Variants in PLEKHA2 observed in about 807,000 individuals in gnomAD.
The protein encoded by PLEKHA2 is pleckstrin homology domain-containing family A member 2.
A neutral mutation model predicts 53.2 loss-of-function variants in PLEKHA2; 28 were observed. The ratio of observed to expected loss-of-function variants is 0.53; its 90% CI spans 0.39 to 0.72. PLEKHA2 has a LOEUF of 0.72. Ranked by LOEUF, PLEKHA2 falls within the 30% of genes least tolerant of loss-of-function variation. The pLI, the probability that PLEKHA2 is intolerant of heterozygous loss-of-function variation, is 0.00. For missense variants in PLEKHA2, 426 were observed against 537.9 expected (o/e 0.79, Z 2.06); for synonymous variants, 193 against 196.4 (o/e 0.98, Z 0.14).
At chr8:38,945,814 G>T (rs73615982) in intron 4 of PLEKHA2, among the ~76,000 whole-genome samples, 1,562 of 152,338 alleles carry the variant, frequency 0.01, 25 homozygotes, top group African/African-American at 0.036. Context: ...GTTCACAGTT[G>T]TGTCTTGTTG....
chr8:38,906,801 T>A (rs987597924), intron 1 of PLEKHA2, among the ~76,000 whole-genome samples: 1 of 152,206 alleles, frequency 6.6e-6, no homozygotes, highest in Non-Finnish European at 1.5e-5. Flanking sequence ...GTTTGTACAT[T>A]GCGAAGGCTC....
At chr8:38,953,206 C>T in intron 8 of PLEKHA2, 91 bp from the exon 9 acceptor site, 1 of 1,013,202 alleles carries the variant, frequency 9.9e-7, no homozygotes, top group Admixed American at 2.0e-5. Flanking sequence ...TTTAGCCAAC[C>T]ATCTCTGAGA....
rs80176332 is a variant in PLEKHA2 at position 38,932,675 on chromosome 8, G to A, written c.142-3319G>A. Among the ~76,000 whole-genome samples, 24 of 152,306 alleles carry A rather than the reference G, an allele frequency of 1.6e-4. No individual in the cohort carries two copies. In the East Asian group the frequency reaches 3.3e-3, roughly 21 times the overall value. ...GTCACCCTGGCAGTCAGCTGTCACCGTTCATCTTCTAGGTCCAGTCACTGG... is the reference window on the plus strand; with the variant it reads ...GTCACCCTGGCAGTCAGCTGTCACCATTCATCTTCTAGGTCCAGTCACTGG... On this transcript the variant is annotated intron_variant, in intron 2 of 11. Transcript: ENST00000617275.
intron 1 of PLEKHA2, among the ~76,000 whole-genome samples, chr8:38,917,620 G>A (rs1447095104): frequency 8.5e-5 from 13 of 152,192 alleles, no homozygotes; most frequent in Non-Finnish European, 4.4e-5. Flanking sequence ...GAATTTGAAT[G>A]CAGGCCCCTG....
rs1262917380 is a variant in PLEKHA2, at chr8:38,943,846, T to C, written c.247+9T>C. The C allele has an allele frequency of 6.3e-7, 1 of 1,575,910 alleles. No homozygotes were observed. Among genetic ancestry groups the C allele is most frequent in the Non-Finnish European group, 8.6e-7 (1 of 1,160,514 alleles). On this transcript the variant is annotated intron_variant, in intron 4 of 11. Transcript: ENST00000617275. ...AACTCCATTTTGCTTTGGTAAGTAC[T>C]GAGCCAGGGGAGGGACTCATTTAAT...
intron 2 of PLEKHA2, among the ~76,000 whole-genome samples, chr8:38,920,307 C>A (rs1159072601): frequency 1.3e-5 from 2 of 152,082 alleles, no homozygotes; most frequent in African/African-American, 4.8e-5. Flanking sequence ...CCCGCCACCA[C>A]GCCCAGCTAA....
intron 9 of PLEKHA2, among the ~76,000 whole-genome samples, chr8:38,956,827 C>T (rs923932430): frequency 6.6e-6 from 1 of 152,186 alleles, no homozygotes; most frequent in African/African-American, 2.4e-5. Flanking sequence ...CATTTAAGCT[C>T]TGACCCTGAG....
At chr8:38,950,590 G>C (rs1834814960) in intron 5 of PLEKHA2, 1 of 351,234 alleles carries the variant, frequency 2.8e-6, no homozygotes, top group Non-Finnish European at 5.1e-6. Context: ...TTTATCTTTG[G>C]TTTCTAGCCA....
chr8:38,933,716 C>T (rs1040133616), intron 2 of PLEKHA2, among the ~76,000 whole-genome samples: 1 of 139,908 alleles, frequency 7.1e-6, no homozygotes, highest in South Asian at 2.3e-4. Flanking sequence ...AGCTGGGGCT[C>T]CTATGTGGAC....
At chr8:38,946,048 A>G in intron 4 of PLEKHA2, 76 bp from the exon 5 acceptor site, 3 of 1,189,130 alleles carry the variant, frequency 2.5e-6, no homozygotes, top group Non-Finnish European at 2.4e-6. Context: ...CAAACACCTT[A>G]GCTTTGTGGA....
chr8:38,927,529 A>G (rs1335742592), intron 2 of PLEKHA2, among the ~76,000 whole-genome samples: 1 of 152,092 alleles, frequency 6.6e-6, no homozygotes, highest in Non-Finnish European at 1.5e-5. Context: ...TTATTAATTT[A>G]TTATCTAAAT....
chr8:38,938,130 G>A (rs1386570634), intron 3 of PLEKHA2, among the ~76,000 whole-genome samples: 2 of 152,186 alleles, frequency 1.3e-5, no homozygotes, highest in East Asian at 1.9e-4. Context: ...AGCCAACCCC[G>A]CTGTCCCACC....
At position 38,969,854 on chromosome 8, in the gene PLEKHA2, C is replaced by G. The variant is rs945060183; in HGVS notation, c.*71C>G. The G allele has an allele frequency of 2.6e-6, 4 of 1,531,082 alleles. No individual in the cohort carries two copies. In the Admixed American group the frequency reaches 8.8e-5, roughly 34 times the overall value. The allele number at this position is 1,531,082 out of a possible 1,614,324, so 94.8% of individuals were successfully genotyped here. On this transcript the variant is annotated 3_prime_UTR_variant, in exon 12 of 12. Coordinates refer to ENST00000617275, the MANE Select transcript of PLEKHA2 (RefSeq NM_021623.2). ...AGAAGGAGGCTGTGACTCAGTTTCT[C>G]TACCTTGTTGGAGGGTAGTCAGAGG... is the stretch of plus-strand genomic sequence containing the variant.
chr8:38,969,978 TAATATCAAC>T lies in PLEKHA2; in HGVS notation c.*196_*204del. On this transcript the variant is annotated 3_prime_UTR_variant, in exon 12 of 12. Coordinates refer to ENST00000617275, the MANE Select transcript of PLEKHA2 (RefSeq NM_021623.2). ...GTGTGTGTGTGTGTGTGTGTGTGTG[TAATATCAAC>T]GCAGTGTATTTAATTTGGGGAAGTC... 9.8e-6 allele frequency: 7 copies of T among 711,500 alleles called. No homozygotes were observed. Among genetic ancestry groups the T allele is most frequent in the African/African-American group, 1.8e-5 (1 of 54,378 alleles). The allele number at this position is 711,500 out of a possible 1,614,324, so 44.1% of individuals were successfully genotyped here.
chr8:38,923,803 T>G (rs958074104), intron 2 of PLEKHA2, among the ~76,000 whole-genome samples: 7 of 152,160 alleles, frequency 4.6e-5, no homozygotes, highest in African/African-American at 1.7e-4. Context: ...TATACATTAT[T>G]TGTATTTGCA....
At position 38,917,989 on chromosome 8, in the gene PLEKHA2, G is replaced by C. The variant is rs748607439; in HGVS notation, c.60G>C (p.Glu20Asp). The change falls in exon 2 of 12, where the codon GAG becomes GAC. Residue 20 changes from glutamate to aspartate, a missense_variant. Glu to Asp is a conservative substitution (Grantham distance 45). Transcript: ENST00000617275. ...GGTTTCTGGACATCGAGGAGCATGA[G>C]AACAGCGGCAAGTTTCTGCGGAGGT... ...ICGFLDIEEH[E>D]NSGKFLRRYF... is the part of the protein sequence containing the mutation. 1 of 1,613,662 alleles carries C rather than the reference G, an allele frequency of 6.2e-7. No individual in the cohort carries two copies. The highest frequency in any genetic ancestry group is 8.5e-7 in the Non-Finnish European group (1 of 1,179,700).
At chr8:38,911,192 G>C (rs1162462217) in intron 1 of PLEKHA2, among the ~76,000 whole-genome samples, 2 of 152,104 alleles carry the variant, frequency 1.3e-5, no homozygotes, top group Non-Finnish European at 2.9e-5. Context: ...AAAGGTGAAG[G>C]GACCATCTAG....
At chr8:38,963,247 T>C (rs1477901968) in intron 10 of PLEKHA2, among the ~76,000 whole-genome samples, 1 of 152,188 alleles carries the variant, frequency 6.6e-6, no homozygotes, top group Non-Finnish European at 1.5e-5. Flanking sequence ...TGCTTTTTCT[T>C]TTGAACCGAG....
chr8:38,921,586 T>A (rs1834195180), intron 2 of PLEKHA2, among the ~76,000 whole-genome samples: 1 of 152,260 alleles, frequency 6.6e-6, no homozygotes, highest in African/African-American at 2.4e-5. Context: ...TGCCTCGGGC[T>A]GCCTTCTAAG....
Sources: allele counts gnomAD v4.1 joint callset (sites outside exome capture counted in the v4.1 genomes callset), GRCh38; gene constraint gnomAD v4.1.1; transcripts MANE v1.5; gene names NCBI Gene and HGNC (gene_info 2026-07-23, HGNC 2026-07-21).